The following PCDHGB6 variants were observed in gnomAD, a reference collection of about 807,000 sequenced individuals.
PCDHGB6 encodes protocadherin gamma-B6.
Under a neutral mutation model 59.1 loss-of-function variants are expected in PCDHGB6, and 51 were observed. That is an observed-to-expected ratio of 0.86 (90% CI 0.69 to 1.09). The LOEUF is 1.09. Ranked by LOEUF, PCDHGB6 falls within the 50% of genes least tolerant of loss-of-function variation. The pLI is 0.00. For missense variants in PCDHGB6, 1,148 were observed against 1,205.1 expected (o/e 0.95, Z 0.70); for synonymous variants, 466 against 495.1 (o/e 0.94, Z 0.78).
chr5:141,423,874 A>G (rs1264795133), intron 1 of PCDHGB6: 2 of 1,283,268 alleles, frequency 1.6e-6, no homozygotes, highest in East Asian at 3.1e-5. Context: ...GTCATTTTTC[A>G]ATCTTGGCAT....
At chr5:141,421,388 G>T in intron 1 of PCDHGB6, 17 of 1,614,052 alleles carry the variant, frequency 1.1e-5, no homozygotes, top group Non-Finnish European at 1.4e-5. Flanking sequence ...AAGGACCTGG[G>T]GCTGGAGCCC....
At chr5:141,472,219 A>C (rs2099274667) in intron 1 of PCDHGB6, among the ~76,000 whole-genome samples, 1 of 152,210 alleles carries the variant, frequency 6.6e-6, no homozygotes, top group Non-Finnish European at 1.5e-5. Context: ...CTTACTCTCG[A>C]TCATATAATA....
At position 141,409,464 on chromosome 5, in the gene PCDHGB6, C is replaced by T; in HGVS notation, c.1262C>T (p.Thr421Ile). The change falls in exon 1 of 4, where the codon ACC becomes ATC. Residue 421 changes from threonine to isoleucine, a missense_variant. By Grantham distance (89) the Thr-to-Ile change is moderately conservative (BLOSUM62 -1). Around this residue, in one of 5 missense-constraint regions of PCDHGB6, gnomAD observed 549 missense variants for 527.5 expected, o/e 1.04. Transcript: ENST00000520790. Reference protein sequence around the residue: ...DREQTPEYNVTIVATDRGKPP... With the variant: ...DREQTPEYNVIIVATDRGKPP... ...GAGCAGACACCAGAATACAATGTCA[C>T]CATCGTAGCCACTGACAGGGGCAAG... is the stretch of plus-strand genomic sequence containing the variant. 1 of 1,613,940 alleles carries T rather than the reference C, an allele frequency of 6.2e-7. No individual in the cohort carries two copies. Among genetic ancestry groups the T allele is most frequent in the East Asian group, 2.2e-5 (1 of 44,870 alleles).
In PCDHGB6 at chr5:141,492,000, A is replaced by G; in HGVS notation, c.2419-2807A>G. On this transcript the variant is annotated intron_variant, in intron 1 of 3. Transcript: ENST00000520790. The surrounding 1 kb of genome is among the most constrained non-coding windows in gnomAD (Gnocchi z 6.9). Reference sequence around the variant, plus strand: ...TCGAGCTTCCGGTGAATTTCGGGCGATTTCCGCGGGTGTCGGGGGTCCCGG... The same window carrying G: ...TCGAGCTTCCGGTGAATTTCGGGCGGTTTCCGCGGGTGTCGGGGGTCCCGG... 1 of 659,856 alleles carries G rather than the reference A, an allele frequency of 1.5e-6. No homozygotes were observed. The highest frequency in any genetic ancestry group is 3.1e-5 in the South Asian group (1 of 32,438). 40.9% of individuals were successfully genotyped at this position (659,856 alleles called of 1,614,324 possible).
chr5:141,489,625 A>G lies in PCDHGB6; in HGVS notation c.2419-5182A>G. ...GGTAGAGATCCTGGATCTCAATGAC[A>G]ACTCTCCTAGCTTTGCCACCCCTGA... On this transcript the variant is annotated intron_variant, in intron 1 of 3. Transcript: ENST00000520790. The surrounding 1 kb of genome is among the most constrained non-coding windows in gnomAD (Gnocchi z 4.5). 6.2e-7 allele frequency: 1 copy of G among 1,614,076 alleles called. No homozygotes were observed. The highest frequency in any genetic ancestry group is 8.5e-7 in the Non-Finnish European group (1 of 1,180,006).
rs753358324 is a variant in PCDHGB6, at chr5:141,487,328, G to A, written c.2419-7479G>A. On this transcript the variant is annotated intron_variant, in intron 1 of 3. Transcript: ENST00000520790. This position sits in a 1 kb window ranked among gnomAD's most constrained non-coding sequence, Gnocchi z 5.0. ...ACTACTCTCTAAGTGTCTTCGTGGG[G>A]CAGCCTGTGGAGTCACATGCTTTCC... 1.2e-6 allele frequency: 2 copies of A among 1,613,962 alleles called. No individual in the cohort carries two copies. The highest frequency in any genetic ancestry group is 2.2e-5 in the East Asian group (1 of 44,874).
chr5:141,433,001 G>A (rs1361701281), intron 1 of PCDHGB6: 39 of 1,614,156 alleles, frequency 2.4e-5, no homozygotes, highest in Non-Finnish European at 3.1e-5. Context: ...CGGGGTGCAG[G>A]CTTTCCTGCA....
At chr5:141,425,448 C>G (rs897473729) in intron 1 of PCDHGB6, among the ~76,000 whole-genome samples, 1 of 152,164 alleles carries the variant, frequency 6.6e-6, no homozygotes, top group African/African-American at 2.4e-5. Flanking sequence ...AAATAAAACA[C>G]CATCACATTT....
intron 2 of PCDHGB6, among the ~76,000 whole-genome samples, chr5:141,502,719 C>G (rs1242423173): frequency 1.3e-5 from 2 of 152,190 alleles, no homozygotes; most frequent in Non-Finnish European, 2.9e-5. Flanking sequence ...TCAGTGATTA[C>G]AAAGCGGTGA....
intron 1 of PCDHGB6, chr5:141,423,905 G>T: frequency 7.9e-7 from 1 of 1,273,594 alleles, no homozygotes; most frequent in Non-Finnish European, 9.9e-7. Flanking sequence ...GATTTCAAAG[G>T]GGCCATTCAA....
In PCDHGB6 at chr5:141,461,525, A is replaced by T. The variant is rs966592635; in HGVS notation, c.2419-33282A>T. ...TTGGTGATTTGTTAGTTCCTTGTAGATTCTGGATACTAGTCCTTTGTCAGA... is the reference window on the plus strand; with the variant it reads ...TTGGTGATTTGTTAGTTCCTTGTAGTTTCTGGATACTAGTCCTTTGTCAGA... On this transcript the variant is annotated intron_variant, in intron 1 of 3. Coordinates refer to ENST00000520790, the MANE Select transcript of PCDHGB6 (RefSeq NM_018926.3). 5.3e-5 allele frequency among the ~76,000 whole-genome samples: 8 copies of T among 152,106 alleles called. No individual in the cohort carries two copies. The South Asian group carries it at 1.7e-3, about 31-fold the overall frequency.
At chr5:141,453,206 T>G (rs914064627) in intron 1 of PCDHGB6, among the ~76,000 whole-genome samples, 8 of 152,102 alleles carry the variant, frequency 5.3e-5, no homozygotes, top group African/African-American at 1.9e-4. Context: ...CTCAACCTCG[T>G]GCACTTAAGC....
intron 2 of PCDHGB6, among the ~76,000 whole-genome samples, chr5:141,499,326 C>T (rs1465474737): frequency 6.6e-6 from 1 of 152,156 alleles, no homozygotes. Context: ...TATCCCTGCT[C>T]TCTCTCAGTT....
chr5:141,439,579 G>A (rs980322898), intron 1 of PCDHGB6, among the ~76,000 whole-genome samples: 6 of 152,148 alleles, frequency 3.9e-5, no homozygotes, highest in African/African-American at 1.4e-4. Context: ...GGGACTCAGA[G>A]TGCCACTGTT....
chr5:141,421,505 G>A (rs745883683), intron 1 of PCDHGB6: 3 of 1,614,058 alleles, frequency 1.9e-6, no homozygotes, highest in South Asian at 1.1e-5. Context: ...AGGATAGACC[G>A]GGAGGAGCTC....
chr5:141,502,331 G>C lies in PCDHGB6; in HGVS notation c.2478-3062G>C, dbSNP rs555959890. ...TCCTTTAATCTGGAGCCAGCTCCCA[G>C]TCTTTTTATTTTTTTAATGACATGG... On this transcript the variant is annotated intron_variant, in intron 2 of 3. Transcript: ENST00000520790. Among the ~76,000 whole-genome samples, 42 of 152,102 alleles carry C rather than the reference G, an allele frequency of 2.8e-4. No individual in the cohort carries two copies. The South Asian group carries it at 6.2e-3, about 23-fold the overall frequency.
chr5:141,413,343 G>A, intron 1 of PCDHGB6: 12 of 1,613,994 alleles, frequency 7.4e-6, no homozygotes, highest in Non-Finnish European at 1.0e-5. Context: ...CCAAGGACTT[G>A]GGTCTGGCGC....
intron 1 of PCDHGB6, among the ~76,000 whole-genome samples, chr5:141,458,081 G>GTTT (rs1259527184): frequency 6.6e-6 from 1 of 152,186 alleles, no homozygotes; most frequent in Non-Finnish European, 1.5e-5. Flanking sequence ...CTATATTGCC[G>GTTT]TAAGTTAAGA....
chr5:141,494,937 G>C (rs759078748), intron 2 of PCDHGB6, 72 bp downstream of exon 2: 1 of 1,612,276 alleles, frequency 6.2e-7, no homozygotes, highest in African/African-American at 1.3e-5. Flanking sequence ...GAGGAGATGG[G>C]GGAGGGCCCA....
Sources: allele counts gnomAD v4.1 joint callset (sites outside exome capture counted in the v4.1 genomes callset), GRCh38; gene constraint gnomAD v4.1.1; regional missense constraint gnomAD v4.1.1; non-coding constraint Gnocchi (gnomAD v3.1); transcripts MANE v1.5; gene names NCBI Gene and HGNC (gene_info 2026-07-23, HGNC 2026-07-21).